LIMK2: variants seen among roughly 807,000 people sequenced by gnomAD.
LIMK2 encodes LIM domain kinase 2.
LIMK2 carries 35 observed loss-of-function variants against 75.7 expected under a neutral mutation model. The ratio of observed to expected loss-of-function variants is 0.46; its 90% CI spans 0.35 to 0.61. The LOEUF is 0.61. Ranked by LOEUF, LIMK2 falls within the 20% of genes least tolerant of loss-of-function variation. The pLI is 0.00. For missense variants in LIMK2, 623 were observed against 831.0 expected, an observed-to-expected ratio of 0.75 and a Z score of 3.08; for synonymous variants, 301 against 319.2, an observed-to-expected ratio of 0.94 and a Z score of 0.61.
intron 2 of LIMK2, among the ~76,000 whole-genome samples, chr22:31,243,017 G>A (rs1314217747): frequency 1.3e-5 from 2 of 152,172 alleles, no homozygotes; most frequent in Non-Finnish European, 2.9e-5. Flanking sequence ...CCGCCTCCCG[G>A]GTTCAAGCGA....
chr22:31,226,361 C>T (rs545989672), intron 2 of LIMK2, among the ~76,000 whole-genome samples: 466 of 151,444 alleles, frequency 3.1e-3, no homozygotes, highest in African/African-American at 0.01. Flanking sequence ...TGCCACCATG[C>T]GCAGCTAATT....
chr22:31,240,401 T>C (rs1175742258), intron 2 of LIMK2, among the ~76,000 whole-genome samples: 2 of 151,758 alleles, frequency 1.3e-5, no homozygotes, highest in Non-Finnish European at 2.9e-5. Flanking sequence ...AGCACTTTCA[T>C]GGAATGACGC....
intron 1 of LIMK2, among the ~76,000 whole-genome samples, chr22:31,215,505 G>GA (rs987492309): frequency 6.6e-5 from 10 of 151,678 alleles, no homozygotes; most frequent in Non-Finnish European, 1.0e-4. Flanking sequence ...GAGGCTCAGG[G>GA]AAAAAAAACG....
intron 1 of LIMK2, among the ~76,000 whole-genome samples, chr22:31,215,320 A>C (rs1197251262): frequency 1.3e-5 from 2 of 152,244 alleles, no homozygotes; most frequent in Non-Finnish European, 2.9e-5. Flanking sequence ...GAGACACCTC[A>C]GATTCCTCGT....
chr22:31,216,371 C>G (rs1269337170), intron 1 of LIMK2, among the ~76,000 whole-genome samples: 1 of 152,094 alleles, frequency 6.6e-6, no homozygotes, highest in Non-Finnish European at 1.5e-5. Context: ...GTGGAAGATT[C>G]ATAGGAAGTG....
intron 2 of LIMK2, chr22:31,230,241 A>G (rs2048516287): frequency 6.6e-6 from 1 of 151,732 alleles, no homozygotes; most frequent in African/African-American, 2.4e-5. Context: ...TTAATTCTGT[A>G]TCTGGGGCAA....
At chr22:31,268,740 A>C (rs553795587) in intron 11 of LIMK2, among the ~76,000 whole-genome samples, 1 of 152,314 alleles carries the variant, frequency 6.6e-6, no homozygotes, top group Non-Finnish European at 1.5e-5. Flanking sequence ...AGTGCCCTCT[A>C]TATGCTAGGC....
intron 13 of LIMK2, 47 bp from the exon 14 acceptor site, chr22:31,273,405 A>G: frequency 2.0e-6 from 3 of 1,529,980 alleles, no homozygotes; most frequent in Non-Finnish European, 2.7e-6. Context: ...AGTGCAGAGC[A>G]GGTAAGGGAT....
At chr22:31,266,265 G>A in intron 8 of LIMK2, 133 bp downstream of exon 8, 1 of 857,140 alleles carries the variant, frequency 1.2e-6, no homozygotes, top group Non-Finnish European at 1.8e-6. Context: ...TTTGGGTGTT[G>A]GTGTGAGAGG....
intron 2 of LIMK2, 34 bp from the exon 3 acceptor site, chr22:31,258,257 C>T: frequency 6.4e-7 from 1 of 1,567,420 alleles, no homozygotes; most frequent in Non-Finnish European, 8.7e-7. Context: ...TTCCAGGGAT[C>T]CAGGAGAATT....
At chr22:31,232,255 A>G (rs2048535865) in intron 2 of LIMK2, among the ~76,000 whole-genome samples, 1 of 150,432 alleles carries the variant, frequency 6.6e-6, no homozygotes, top group Non-Finnish European at 1.5e-5. Context: ...TCCCAGGAGA[A>G]AAAAAAAAAA....
intron 2 of LIMK2, among the ~76,000 whole-genome samples, chr22:31,244,107 C>A (rs1238676593): frequency 1.3e-5 from 2 of 152,208 alleles, no homozygotes; most frequent in African/African-American, 4.8e-5. Flanking sequence ...CCACCAAGTC[C>A]TTTGTAAGAG....
chr22:31,244,648 G>A (rs990003417), intron 2 of LIMK2, among the ~76,000 whole-genome samples: 2 of 152,180 alleles, frequency 1.3e-5, no homozygotes, highest in Admixed American at 6.5e-5. Flanking sequence ...TTGATGCTGG[G>A]AGCTATTTAG....
chr22:31,228,151 TCA>T (rs2048495830), intron 2 of LIMK2, among the ~76,000 whole-genome samples: 1 of 152,046 alleles, frequency 6.6e-6, no homozygotes, highest in African/African-American at 2.4e-5. Context: ...GCGTGGTGGC[TCA>T]CGCCTGTAAT....
At chr22:31,220,190 G>A (rs2048422098) in intron 1 of LIMK2, among the ~76,000 whole-genome samples, 1 of 152,212 alleles carries the variant, frequency 6.6e-6, no homozygotes, top group Non-Finnish European at 1.5e-5. Flanking sequence ...GGCGTAGGAG[G>A]CTGTGTGCTT....
chr22:31,264,322 A>G (rs2048870205), intron 7 of LIMK2, among the ~76,000 whole-genome samples: 1 of 152,178 alleles, frequency 6.6e-6, no homozygotes, highest in Non-Finnish European at 1.5e-5. Flanking sequence ...GGACAAGGGT[A>G]AGTAAACCTG....
chr22:31,265,918 C>G (rs1341978134), intron 7 of LIMK2, 28 bp from the exon 8 acceptor site: 1 of 1,608,372 alleles, frequency 6.2e-7, no homozygotes, highest in Non-Finnish European at 8.5e-7. Flanking sequence ...GACTACACAT[C>G]CCTACTCCCG....
chr22:31,224,073 A>T (rs548007296), intron 1 of LIMK2, among the ~76,000 whole-genome samples: 2 of 152,286 alleles, frequency 1.3e-5, no homozygotes, highest in African/African-American at 4.8e-5. Flanking sequence ...ACCCAGAGAG[A>T]ACAAAGCTGC....
rs959142873 is a variant in LIMK2, at chr22:31,248,894, G to A, written c.117-9397G>A. 67 of 1,020,732 alleles carry A rather than the reference G, an allele frequency of 6.6e-5. No homozygotes were observed. The Middle Eastern group carries it at 1.5e-3, about 23-fold the overall frequency. 63.2% of individuals were successfully genotyped at this position (1,020,732 alleles called of 1,614,324 possible). ...TCGGTTCTGCCGGGCAGAAGCCAGC[G>A]GAGGTTATACCCAAGGAGAATCGGC... On this transcript the variant is annotated intron_variant, in intron 2 of 15. Transcript: ENST00000331728.
Sources: gnomAD v4.1 joint callset for allele counts (sites outside exome capture counted in the v4.1 genomes callset) on GRCh38, gnomAD v4.1.1 for gene constraint, MANE v1.5 for transcripts, NCBI Gene and HGNC (gene_info 2026-07-23, HGNC 2026-07-21) for gene names.